The following ITSN1 variants were observed in gnomAD, a reference collection of about 807,000 sequenced individuals.
The protein encoded by ITSN1 is intersectin-1.
In ITSN1, 58 loss-of-function variants were observed where a neutral mutation model predicts 239.8. That is an observed-to-expected ratio of 0.24 (90% confidence interval 0.20 to 0.30). The LOEUF (loss-of-function observed/expected upper bound fraction) is 0.30, where lower values mean the gene tolerates loss of function less well. Among genes scored for constraint, ITSN1 ranks in the 10% least tolerant of loss-of-function variants. The pLI is 1.00. For missense variants in ITSN1, 1,558 were observed against 2,103.3 expected (o/e 0.74, Z 5.07); for synonymous variants, 780 against 770.8 (o/e 1.01, Z -0.20).
chr21:33,708,347 T>G (rs1018712028), intron 1 of ITSN1, among the ~76,000 whole-genome samples: 3 of 152,202 alleles, frequency 2.0e-5, no homozygotes, highest in African/African-American at 7.2e-5. Context: ...AACTGTTTTT[T>G]TGTTTTTTTT....
chr21:33,778,994 T>G lies in ITSN1; in HGVS notation c.1597-2467T>G, dbSNP rs137898276. On this transcript the variant is annotated intron_variant, in intron 14 of 39. Transcript: ENST00000381318. ...CTGTCTCCGTGCTTCCTTCTCCTTT[T>G]CCTTCCTAACCCCTTCTTCTCTCCT... 1.8e-3 allele frequency among the ~76,000 whole-genome samples: 272 copies of G among 152,212 alleles called. 1 individual carries two copies. Among genetic ancestry groups the G allele is most frequent in the African/African-American group, 6.4e-3 (266 of 41,544 alleles).
chr21:33,761,662 A>G (rs987382665), intron 8 of ITSN1, among the ~76,000 whole-genome samples: 6 of 152,210 alleles, frequency 3.9e-5, no homozygotes, highest in East Asian at 3.8e-4. Flanking sequence ...GAAACTCTAA[A>G]TCTTTCACAT....
At chr21:33,841,361 A>G (rs1569290439) in intron 29 of ITSN1, among the ~76,000 whole-genome samples, 1 of 151,938 alleles carries the variant, frequency 6.6e-6, no homozygotes, top group Non-Finnish European at 1.5e-5. Flanking sequence ...AGTACAATAT[A>G]TCATCACCTG....
chr21:33,814,154 A>T, intron 22 of ITSN1, 82 bp downstream of exon 22: 1 of 1,360,372 alleles, frequency 7.4e-7, no homozygotes, highest in Admixed American at 2.0e-5. Flanking sequence ...TGGCAATGTC[A>T]TTTTGAAGCA....
chr21:33,668,502 A>G (rs774897937), intron 1 of ITSN1, among the ~76,000 whole-genome samples: 2 of 152,140 alleles, frequency 1.3e-5, no homozygotes, highest in Non-Finnish European at 2.9e-5. Context: ...TCTTCTTACT[A>G]TCAGTCTTTA....
At chr21:33,825,465 C>T (rs957984570) in intron 25 of ITSN1, among the ~76,000 whole-genome samples, 2 of 152,180 alleles carry the variant, frequency 1.3e-5, no homozygotes, top group Non-Finnish European at 2.9e-5. Flanking sequence ...TGGGGAGAGT[C>T]GTCCCATCCT....
intron 7 of ITSN1, among the ~76,000 whole-genome samples, chr21:33,753,051 G>C (rs780494081): frequency 6.6e-6 from 1 of 152,100 alleles, no homozygotes; most frequent in Non-Finnish European, 1.5e-5. Context: ...AGATGATTCT[G>C]TTACTCTCTG....
rs1986680469 is a variant in ITSN1 at position 33,895,519 on chromosome 21, G to GCA, written c.*7219_*7220insCA. The GCA allele has an allele frequency of 3.6e-5, 3 of 84,474 alleles. No individual in the cohort carries two copies. Among genetic ancestry groups the GCA allele is most frequent in the African/African-American group, 1.4e-4 (3 of 20,870 alleles). The allele number at this position is 84,474 out of a possible 1,614,324, so 5.2% of individuals were successfully genotyped here. ...TGTGTGTGCGTGCGCGTGTTTGTGTGTGCATGTGTGTGTGTCTACGTGTGT... is the reference window on the plus strand; with the variant it reads ...TGTGTGTGCGTGCGCGTGTTTGTGTGCATGCATGTGTGTGTGTCTACGTGTGT... On this transcript the variant is annotated 3_prime_UTR_variant, in exon 40 of 40. Coordinates refer to ENST00000381318, the MANE Select transcript of ITSN1 (RefSeq NM_003024.3).
At chr21:33,847,074 G>A (rs1230799305) in intron 29 of ITSN1, among the ~76,000 whole-genome samples, 1 of 152,204 alleles carries the variant, frequency 6.6e-6, no homozygotes, top group Non-Finnish European at 1.5e-5. Flanking sequence ...TGCCTCTTGG[G>A]TTCCTATGGG....
intron 27 of ITSN1, among the ~76,000 whole-genome samples, chr21:33,831,915 G>T (rs558677749): frequency 2.2e-3 from 330 of 152,242 alleles, no homozygotes; most frequent in Admixed American, 7.6e-3. Context: ...GCTGGGGAGG[G>T]AGAGGCCTCC....
chr21:33,807,135 A>G (rs749211407), intron 20 of ITSN1, among the ~76,000 whole-genome samples: 54 of 152,350 alleles, frequency 3.5e-4, no homozygotes, highest in Middle Eastern at 3.4e-3. Context: ...TGAGACCAAC[A>G]GATTTCTTTG....
intron 1 of ITSN1, among the ~76,000 whole-genome samples, chr21:33,663,802 C>G (rs2089732252): frequency 6.6e-6 from 1 of 152,182 alleles, no homozygotes; most frequent in African/African-American, 2.4e-5. Context: ...CGGGGTTTCT[C>G]CGTGTTGAGG....
chr21:33,745,312 C>T (rs550688940), intron 5 of ITSN1, among the ~76,000 whole-genome samples: 40 of 152,244 alleles, frequency 2.6e-4, no homozygotes, highest in African/African-American at 9.2e-4. Context: ...TGGCCTGGGT[C>T]TTTCAACAGA....
intron 33 of ITSN1, 146 bp from the exon 34 acceptor site, chr21:33,875,208 G>T: frequency 2.6e-6 from 2 of 763,232 alleles, no homozygotes; most frequent in Non-Finnish European, 4.4e-6. Flanking sequence ...TTGCCATGTG[G>T]GTGCTCAGAG....
intron 6 of ITSN1, among the ~76,000 whole-genome samples, chr21:33,751,559 T>C (rs924438035): frequency 4.6e-5 from 7 of 152,202 alleles, no homozygotes; most frequent in Non-Finnish European, 1.0e-4. Context: ...AAATGTTTAA[T>C]GAAGAGTAAA....
intron 27 of ITSN1, among the ~76,000 whole-genome samples, chr21:33,831,114 A>G (rs887757641): frequency 2.0e-5 from 3 of 152,214 alleles, no homozygotes; most frequent in Non-Finnish European, 4.4e-5. Flanking sequence ...CTGACTTTTC[A>G]TACAGAAAGT....
chr21:33,776,915 T>G (rs1288464294), intron 14 of ITSN1, among the ~76,000 whole-genome samples: 1 of 152,180 alleles, frequency 6.6e-6, no homozygotes, highest in Admixed American at 6.5e-5. Flanking sequence ...TAAATTTTGA[T>G]GAAGTTCAGT....
rs760951660 is a variant in ITSN1 at position 33,895,695 on chromosome 21, ATGTGTG to A, written c.*7398_*7403del. 7.2e-6 allele frequency: 1 copy of A among 138,668 alleles called. No individual in the cohort carries two copies. The highest frequency in any genetic ancestry group is 1.6e-5 in the Non-Finnish European group (1 of 63,942). The allele number at this position is 138,668 out of a possible 1,614,324, so 8.6% of individuals were successfully genotyped here. A position where few individuals can be genotyped will look rare whatever the true frequency, so the allele number is the denominator to read the frequency against. On this transcript the variant is annotated 3_prime_UTR_variant, in exon 40 of 40. Transcript: ENST00000381318. Reference sequence around the variant, plus strand: ...TGTTTGTGTGTGCGTGCATATGTGTATGTGTGTGCGCGTGCGTGTGCGTGCATGTGT... The same window carrying A: ...TGTTTGTGTGTGCGTGCATATGTGTATGCGCGTGCGTGTGCGTGCATGTGT...
intron 29 of ITSN1, chr21:33,838,175 T>G (rs1791187775): frequency 3.7e-5 from 36 of 985,442 alleles, no homozygotes; most frequent in Non-Finnish European, 4.1e-5. Context: ...TCAATAAAAA[T>G]GCCTGCTGCT....
Sources: allele counts gnomAD v4.1 joint callset (sites outside exome capture counted in the v4.1 genomes callset), GRCh38; gene constraint gnomAD v4.1.1; transcripts MANE v1.5; gene names NCBI Gene and HGNC (gene_info 2026-07-23, HGNC 2026-07-21).